RGS8: variants seen among roughly 807,000 people sequenced by gnomAD.
The protein encoded by RGS8 is regulator of G protein signaling 8.
Under a neutral mutation model 21.7 loss-of-function variants are expected in RGS8, and 8 were observed. The observed-to-expected ratio is 0.37, with a 90% CI of 0.22 to 0.66. RGS8 has a LOEUF of 0.66. Among genes scored for constraint, RGS8 ranks in the 30% least tolerant of loss-of-function variants. RGS8 has a pLI of 0.59. For missense variants in RGS8, 157 were observed against 217.9 expected, an observed-to-expected ratio of 0.72 and a Z score of 1.76; for synonymous variants, 80 against 83.6, an observed-to-expected ratio of 0.96 and a Z score of 0.24.
chr1:182,749,036 T>G, the RGS8 span, among the ~76,000 whole-genome samples: 1 of 152,218 alleles, frequency 6.6e-6, no homozygotes, highest in African/African-American at 2.4e-5. Flanking sequence ...TTTCTCCCAC[T>G]CTGCAGGTTG....
At chr1:182,669,783 C>A in intron 2 of RGS8, 31 bp from the exon 4 acceptor site, 2 of 1,536,896 alleles carry the variant, frequency 1.3e-6, no homozygotes, top group Non-Finnish European at 1.8e-6. Context: ...GTAAGAGGGG[C>A]CACCCTCTCT....
the RGS8 span, among the ~76,000 whole-genome samples, chr1:182,728,630 G>A: frequency 6.6e-6 from 1 of 152,136 alleles, no homozygotes; most frequent in Admixed American, 6.5e-5. Flanking sequence ...CAAAAAAAGA[G>A]AAAATTTAAT....
chr1:182,673,034 T>C (rs1664237512), upstream of RGS8: 2 of 614,152 alleles, frequency 3.3e-6, no homozygotes, highest in South Asian at 2.0e-5. Context: ...CTGTGATGCA[T>C]GCTAAAGTTT....
chr1:182,671,847 A>T lies in RGS8; in HGVS notation c.-178+2T>A. ...ATACACACACAGGCATGCACAACAC[A>T]CCTCCCACCACTTGAGCCAGGCAGC... On this transcript the variant is annotated splice_donor_variant, in intron 1 of 6. Coordinates refer to ENST00000483095, the Ensembl canonical transcript of RGS8. LOFTEE classifies it low-confidence loss of function (5UTR_SPLICE). The T allele has an allele frequency of 6.5e-7, 1 of 1,540,970 alleles. No individual in the cohort carries two copies. Among genetic ancestry groups the T allele is most frequent in the Admixed American group, 2.0e-5 (1 of 50,400 alleles).
chr1:182,722,119 C>T, the RGS8 span, among the ~76,000 whole-genome samples: 1 of 151,860 alleles, frequency 6.6e-6, no homozygotes, highest in East Asian at 1.9e-4. Context: ...CTTAGCATAT[C>T]TGATTCCTCT....
chr1:182,659,483 G>A (rs890082308), intron 5 of RGS8, among the ~76,000 whole-genome samples: 1 of 152,200 alleles, frequency 6.6e-6, no homozygotes, highest in Non-Finnish European at 1.5e-5. Flanking sequence ...GGCAGATCAC[G>A]AGGTCAGGAG....
At chr1:182,747,087 A>C in the RGS8 span, among the ~76,000 whole-genome samples, 2 of 19,778 alleles carry the variant, frequency 1.0e-4, no homozygotes, top group Admixed American at 1.6e-3. Context: ...TTTTGTAGAG[A>C]TGGAGATCTC....
chr1:182,678,945 A>G (rs946269611), intron 1 of RGS8, among the ~76,000 whole-genome samples: 1 of 152,078 alleles, frequency 6.6e-6, no homozygotes, highest in Non-Finnish European at 1.5e-5. Context: ...CTTTTCACTT[A>G]CTAACAACTC....
At chr1:182,657,657 G>A (rs1029344739) in intron 5 of RGS8, among the ~76,000 whole-genome samples, 2 of 152,170 alleles carry the variant, frequency 1.3e-5, no homozygotes, top group African/African-American at 4.8e-5. Flanking sequence ...CCAGCTAAGT[G>A]TGAGCTTGGG....
the RGS8 span, among the ~76,000 whole-genome samples, chr1:182,727,630 C>T: frequency 2.6e-5 from 4 of 152,042 alleles, no homozygotes; most frequent in African/African-American, 9.7e-5. Flanking sequence ...TTTTCGAACA[C>T]CAAATAATTC....
chr1:182,718,205 G>A, the RGS8 span, among the ~76,000 whole-genome samples: 3 of 152,212 alleles, frequency 2.0e-5, no homozygotes, highest in Non-Finnish European at 4.4e-5. Flanking sequence ...AGACAAGCCA[G>A]CGTGAAGGAA....
chr1:182,717,785 G>T, the RGS8 span, among the ~76,000 whole-genome samples: 1 of 152,124 alleles, frequency 6.6e-6, no homozygotes, highest in Non-Finnish European at 1.5e-5. Context: ...GTCTGTCCTG[G>T]TCACTGGTAT....
At chr1:182,731,446 T>C in the RGS8 span, among the ~76,000 whole-genome samples, 4 of 152,306 alleles carry the variant, frequency 2.6e-5, no homozygotes, top group East Asian at 3.9e-4. Flanking sequence ...CCCAAGGAAA[T>C]AGAGTAAGCC....
chr1:182,664,453 G>C (rs1317247749), intron 5 of RGS8, among the ~76,000 whole-genome samples: 1 of 152,130 alleles, frequency 6.6e-6, no homozygotes, highest in African/African-American at 2.4e-5. Flanking sequence ...TCAGGGACTT[G>C]AACTAAGTGA....
At chr1:182,650,650 C>T (rs1662964741) in intron 5 of RGS8, among the ~76,000 whole-genome samples, 1 of 152,136 alleles carries the variant, frequency 6.6e-6, no homozygotes, top group African/African-American at 2.4e-5. Flanking sequence ...TGCTTGAGCC[C>T]AGGAGTTCGA....
the RGS8 span, among the ~76,000 whole-genome samples, chr1:182,744,765 T>A: frequency 2.0e-5 from 3 of 152,232 alleles, no homozygotes; most frequent in Non-Finnish European, 4.4e-5. Context: ...CACCTACTGA[T>A]GCATTTCTCA....
At chr1:182,688,341 A>G (rs1429131117), upstream of RGS8, among the ~76,000 whole-genome samples, 2 of 151,588 alleles carry the variant, frequency 1.3e-5, no homozygotes, top group Admixed American at 1.3e-4. Flanking sequence ...ACACACACAC[A>G]CTTTCTCTCT....
At chr1:182,689,630 G>A in the RGS8 span, among the ~76,000 whole-genome samples, 1 of 152,166 alleles carries the variant, frequency 6.6e-6, no homozygotes, top group South Asian at 2.1e-4. Context: ...CCCAGTCCTG[G>A]GATAGGAAGG....
the RGS8 span, among the ~76,000 whole-genome samples, chr1:182,740,544 G>GTTTGTTTTTTTTTTTT: frequency 9.7e-6 from 1 of 103,322 alleles, no homozygotes; most frequent in Non-Finnish European, 1.9e-5. Flanking sequence ...TTTTTTGTTT[G>GTTTGTTTTTTTTTTTT]TTTGTTTTTT....
Sources: allele counts gnomAD v4.1 joint callset (sites outside exome capture counted in the v4.1 genomes callset), GRCh38; gene constraint gnomAD v4.1.1; transcripts MANE v1.5; gene names NCBI Gene and HGNC (gene_info 2026-07-23, HGNC 2026-07-21).